BMPR1B: variants seen among roughly 807,000 people sequenced by gnomAD.
The protein encoded by BMPR1B is bone morphogenetic protein receptor type 1B, also known as bone morphogenetic protein receptor type-1B.
BMPR1B carries 12 observed loss-of-function variants against 59.1 expected under a neutral mutation model. That is an observed-to-expected ratio of 0.20 (90% CI 0.13 to 0.33). The LOEUF (loss-of-function observed/expected upper bound fraction) is 0.33. Among genes scored for constraint, BMPR1B ranks in the 10% least tolerant of loss-of-function variants. The pLI, the probability that BMPR1B is intolerant of heterozygous loss-of-function variation, is 1.00. For synonymous variants in BMPR1B, 237 were observed against 207.3 expected (o/e 1.14, Z -1.23); for missense variants, 550 against 610.9 (o/e 0.90, Z 1.05).
chr4:95,130,201 G>A (rs1324572362), intron 9 of BMPR1B, 147 bp downstream of exon 9: 1 of 959,386 alleles, frequency 1.0e-6, no homozygotes, highest in Non-Finnish European at 1.6e-6. Context: ...AACATCATAA[G>A]TTTCTAATGG....
At chr4:94,934,050 A>G (rs1403455288) in intron 2 of BMPR1B, among the ~76,000 whole-genome samples, 3 of 152,128 alleles carry the variant, frequency 2.0e-5, no homozygotes, top group Non-Finnish European at 4.4e-5. Flanking sequence ...GGTGAACAAT[A>G]ACTGATAGTC....
chr4:95,139,337 C>T (rs1312408963), intron 10 of BMPR1B, among the ~76,000 whole-genome samples: 2 of 152,186 alleles, frequency 1.3e-5, no homozygotes, highest in African/African-American at 2.4e-5. Context: ...TGGGAGGTGC[C>T]TCCCAGTTAG....
At chr4:94,872,685 G>T (rs191539302) in intron 1 of BMPR1B, among the ~76,000 whole-genome samples, 60 of 152,222 alleles carry the variant, frequency 3.9e-4, no homozygotes, top group African/African-American at 1.4e-3. Context: ...GCCACTGCAC[G>T]CCAGCCTGGG....
At chr4:95,057,705 T>C (rs549851648) in intron 3 of BMPR1B, among the ~76,000 whole-genome samples, 44 of 152,246 alleles carry the variant, frequency 2.9e-4, no homozygotes, top group Non-Finnish European at 4.9e-4. Context: ...TTGGATTATA[T>C]TGACAATCAA....
At chr4:94,922,197 A>G (rs955627179) in intron 2 of BMPR1B, among the ~76,000 whole-genome samples, 3 of 151,274 alleles carry the variant, frequency 2.0e-5, no homozygotes, top group Non-Finnish European at 4.4e-5. Flanking sequence ...CTGGTATTGA[A>G]CTCCTGGGCT....
In BMPR1B at chr4:94,950,662, G is replaced by T. The variant is rs547376136; in HGVS notation, c.-112-45378G>T. On this transcript the variant is annotated intron_variant, in intron 2 of 12. Transcript: ENST00000515059. Reference sequence around the variant, plus strand: ...TCCTTTGGTCTATATATCTGTTTTGGCACCAGTACCATGCTGTTTTGATTA... The same window carrying T: ...TCCTTTGGTCTATATATCTGTTTTGTCACCAGTACCATGCTGTTTTGATTA... Among the ~76,000 whole-genome samples, 4 of 152,156 alleles carry T rather than the reference G, an allele frequency of 2.6e-5. No homozygotes were observed. In the South Asian group the frequency reaches 8.3e-4, roughly 32 times the overall value.
intron 2 of BMPR1B, among the ~76,000 whole-genome samples, chr4:94,971,560 G>A (rs1373649): frequency 0.5 from 76,327 of 151,676 alleles, 19,571 homozygotes; most frequent in South Asian, 0.6. Context: ...ATCTTAGCTT[G>A]TCATCATAAA....
At chr4:94,787,665 A>G (rs1235070260) in intron 1 of BMPR1B, among the ~76,000 whole-genome samples, 2 of 152,228 alleles carry the variant, frequency 1.3e-5, no homozygotes, top group East Asian at 3.8e-4. Context: ...ATTTGCTTTA[A>G]GAATGGCTCC....
rs1174822728 is a variant in BMPR1B, at chr4:94,831,310, C to A, written c.-182-44521C>A. 2.8e-5 allele frequency among the ~76,000 whole-genome samples: 4 copies of A among 142,078 alleles called. No individual in the cohort carries two copies. The East Asian group carries it at 7.9e-4, about 28-fold the overall frequency. The allele number at this position is 142,078 out of a possible 152,430, so 93.2% of individuals were successfully genotyped here. A position where few individuals can be genotyped will look rare whatever the true frequency, so the allele number is the denominator to read the frequency against. Reference sequence around the variant, plus strand: ...GAAAAAATATTTTTGTATAGCTGTACAATGTGTTTGTGTTTTAAGCTAAAT... The same window carrying A: ...GAAAAAATATTTTTGTATAGCTGTAAAATGTGTTTGTGTTTTAAGCTAAAT... On this transcript the variant is annotated intron_variant, in intron 1 of 12. Coordinates refer to ENST00000515059, the MANE Select transcript of BMPR1B (RefSeq NM_001203.3).
chr4:94,889,383 ATC>A (rs1727302363), intron 2 of BMPR1B, among the ~76,000 whole-genome samples: 1 of 152,060 alleles, frequency 6.6e-6, no homozygotes, highest in Admixed American at 6.6e-5. Context: ...ACTCTGTAGT[ATC>A]TCTGTTTTTC....
chr4:95,147,581 A>T (rs987938865), intron 10 of BMPR1B, among the ~76,000 whole-genome samples: 2 of 152,120 alleles, frequency 1.3e-5, no homozygotes, highest in African/African-American at 2.4e-5. Flanking sequence ...AAAAAAAAAA[A>T]TTGTTGGGAA....
chr4:95,034,712 A>G (rs534209362), intron 3 of BMPR1B, among the ~76,000 whole-genome samples: 117 of 151,824 alleles, frequency 7.7e-4, no homozygotes, highest in African/African-American at 2.5e-3. Context: ...TATTTTTGCA[A>G]CTGTGAATTG....
chr4:95,104,622 A>C (rs1731072038), intron 4 of BMPR1B, 55 bp downstream of exon 4: 1 of 1,594,848 alleles, frequency 6.3e-7, no homozygotes, highest in Admixed American at 1.7e-5. Context: ...CACTTTTTCA[A>C]CTATGCAACT....
Position 95,154,799 on chromosome 4 carries a change from G to A in BMPR1B, c.*126G>A, listed in dbSNP as rs569581364. ...TGAACATCGTCCTGCTTCCCAGTGG[G>A]TTCAGACCTCACCTCTCAGGGAGCG... is the stretch of plus-strand genomic sequence containing the variant. On this transcript the variant is annotated 3_prime_UTR_variant, in exon 13 of 13. Transcript: ENST00000515059. 3,467 of 1,404,764 alleles carry A rather than the reference G, an allele frequency of 2.5e-3. 7 individuals are homozygous for A. Among genetic ancestry groups the A allele is most frequent in the Non-Finnish European group, 3.1e-3 (3,104 of 1,007,928 alleles). 87.0% of individuals were successfully genotyped at this position (1,404,764 alleles called of 1,614,324 possible). A position where few individuals can be genotyped will look rare whatever the true frequency, so the allele number is the denominator to read the frequency against.
chr4:95,155,012 G>A lies in BMPR1B; in HGVS notation c.*339G>A, dbSNP rs945139245. The A allele has an allele frequency of 6.4e-6, 2 of 314,940 alleles. No individual in the cohort carries two copies. The highest frequency in any genetic ancestry group is 1.5e-4 in the East Asian group (2 of 13,316). 19.5% of individuals were successfully genotyped at this position (314,940 alleles called of 1,614,324 possible). A position where few individuals can be genotyped will look rare whatever the true frequency, so the allele number is the denominator to read the frequency against. On this transcript the variant is annotated 3_prime_UTR_variant, in exon 13 of 13. Coordinates refer to ENST00000515059, the MANE Select transcript of BMPR1B (RefSeq NM_001203.3). ...ATTTTGCCAAAATAAAACAGATAAT[G>A]TGGATGGTTTAAGGGTTATAGTATT...
chr4:95,116,114 C>T (rs1317253692), intron 6 of BMPR1B, among the ~76,000 whole-genome samples: 2 of 152,038 alleles, frequency 1.3e-5, no homozygotes, highest in Admixed American at 6.6e-5. Flanking sequence ...AGTTGTAGTT[C>T]ACCCAAAAAC....
intron 3 of BMPR1B, among the ~76,000 whole-genome samples, chr4:95,019,220 T>G (rs1723800785): frequency 6.6e-6 from 1 of 152,186 alleles, no homozygotes; most frequent in African/African-American, 2.4e-5. Context: ...CTGAAAAACA[T>G]TTGCCTCCTT....
chr4:94,868,142 T>G (rs752916592), intron 1 of BMPR1B, among the ~76,000 whole-genome samples: 15 of 150,942 alleles, frequency 9.9e-5, no homozygotes, highest in Non-Finnish European at 1.9e-4. Flanking sequence ...GGATTACAGG[T>G]GCGAGCCACC....
At chr4:94,819,200 T>G (rs1724117486) in intron 1 of BMPR1B, among the ~76,000 whole-genome samples, 1 of 152,104 alleles carries the variant, frequency 6.6e-6, no homozygotes, top group African/African-American at 2.4e-5. Flanking sequence ...AGATTTATAG[T>G]TAGAACTTTC....
Sources: allele counts gnomAD v4.1 joint callset (sites outside exome capture counted in the v4.1 genomes callset), GRCh38; gene constraint gnomAD v4.1.1; transcripts MANE v1.5; gene names NCBI Gene and HGNC (gene_info 2026-07-23, HGNC 2026-07-21).